The following ADGRB3 variants were observed in gnomAD, a reference collection of about 807,000 sequenced individuals.
ADGRB3 encodes brain-specific angiogenesis inhibitor 3.
A neutral mutation model predicts 193.4 loss-of-function variants in ADGRB3; 37 were observed. That is an observed-to-expected ratio of 0.19 (90% confidence interval 0.15 to 0.25). The LOEUF (loss-of-function observed/expected upper bound fraction) is 0.25, where lower values mean the gene tolerates loss of function less well. Ranked by LOEUF, ADGRB3 falls within the 10% of genes least tolerant of loss-of-function variation. The probability of loss-of-function intolerance (pLI) is 1.00; values close to 1 mark genes in which losing one functional copy is unlikely to be tolerated. For missense variants in ADGRB3, 1,637 were observed against 1,852.9 expected (o/e 0.88, Z 2.14); for synonymous variants, 690 against 644.2 (o/e 1.07, Z -1.08).
At chr6:68,793,368 C>T (rs555271917) in intron 3 of ADGRB3, among the ~76,000 whole-genome samples, 88 of 152,142 alleles carry the variant, frequency 5.8e-4, no homozygotes, top group Non-Finnish European at 9.7e-4. Context: ...CTTTTGTATT[C>T]TTCCTGTGTG....
intron 3 of ADGRB3, among the ~76,000 whole-genome samples, chr6:68,695,997 C>T (rs746930269): frequency 7.9e-5 from 12 of 152,040 alleles, no homozygotes; most frequent in South Asian, 6.2e-4. Context: ...TATTTGGCTG[C>T]GACCCAAAGG....
At chr6:68,978,547 G>A (rs968285721) in intron 10 of ADGRB3, among the ~76,000 whole-genome samples, 24 of 151,416 alleles carry the variant, frequency 1.6e-4, no homozygotes, top group African/African-American at 5.3e-4. Flanking sequence ...TTTCAATAAT[G>A]CTTATGTCAC....
chr6:68,747,719 A>G (rs1176995201), intron 3 of ADGRB3, among the ~76,000 whole-genome samples: 1 of 152,252 alleles, frequency 6.6e-6, no homozygotes, highest in Non-Finnish European at 1.5e-5. Flanking sequence ...TATGACATCT[A>G]GAAAAAGTCA....
At chr6:68,701,711 A>T (rs1765245922) in intron 3 of ADGRB3, among the ~76,000 whole-genome samples, 1 of 152,102 alleles carries the variant, frequency 6.6e-6, no homozygotes, top group Admixed American at 6.6e-5. Context: ...AAACAACAGG[A>T]CCAAAACAGG....
At chr6:68,996,896 T>A (rs1221391451) in intron 11 of ADGRB3, among the ~76,000 whole-genome samples, 2 of 152,208 alleles carry the variant, frequency 1.3e-5, no homozygotes, top group Admixed American at 6.5e-5. Flanking sequence ...GTTTGTTGAA[T>A]GTATTAACAA....
chr6:69,236,657 C>T (rs911800569), intron 19 of ADGRB3, among the ~76,000 whole-genome samples: 6 of 151,962 alleles, frequency 3.9e-5, no homozygotes, highest in African/African-American at 1.2e-4. Context: ...CTTTTATCAG[C>T]ATTTAGGGTT....
intron 3 of ADGRB3, among the ~76,000 whole-genome samples, chr6:68,893,180 G>T (rs141321996): frequency 6.6e-6 from 1 of 152,154 alleles, no homozygotes; most frequent in African/African-American, 2.4e-5. Context: ...AAAGAGAAAG[G>T]ATCTGTTATT....
intron 26 of ADGRB3, among the ~76,000 whole-genome samples, chr6:69,341,100 G>T (rs1283591472): frequency 7.9e-5 from 12 of 151,736 alleles, no homozygotes; most frequent in Non-Finnish European, 5.9e-5. Flanking sequence ...CTTTATAGGA[G>T]AATGATGTAT....
chr6:68,699,961 A>G (rs1765215248), intron 3 of ADGRB3, among the ~76,000 whole-genome samples: 2 of 152,140 alleles, frequency 1.3e-5, no homozygotes, highest in Admixed American at 6.6e-5. Flanking sequence ...TGTGACTCAA[A>G]TCATTCCTTT....
At chr6:68,973,273 T>G (rs1582362072) in intron 8 of ADGRB3, among the ~76,000 whole-genome samples, 1 of 145,526 alleles carries the variant, frequency 6.9e-6, no homozygotes, top group Middle Eastern at 3.6e-3. Context: ...TTTTTGGGCC[T>G]TGGTGCCTTC....
rs201969299 is a variant in ADGRB3, at chr6:69,186,549, GA to G, written c.2481-46731del. On this transcript the variant is annotated intron_variant, in intron 17 of 31. Transcript: ENST00000370598. ...TTAACCCCCCAAGTACCTGAAAAAA[GA>G]AAAAAAAAAGAAGAAGAAAATAAGA... 1.4e-4 allele frequency among the ~76,000 whole-genome samples: 20 copies of G among 138,502 alleles called. No homozygotes were observed. The East Asian group carries it at 1.7e-3, about 12-fold the overall frequency. 90.9% of individuals were successfully genotyped at this position (138,502 alleles called of 152,430 possible).
At chr6:68,859,414 A>T (rs1765085538) in intron 3 of ADGRB3, among the ~76,000 whole-genome samples, 1 of 152,158 alleles carries the variant, frequency 6.6e-6, no homozygotes, top group African/African-American at 2.4e-5. Flanking sequence ...CTTTTCAGCA[A>T]CACCCCACTC....
At chr6:69,297,459 TAA>T (rs1489676515) in intron 20 of ADGRB3, among the ~76,000 whole-genome samples, 1 of 149,778 alleles carries the variant, frequency 6.7e-6, no homozygotes, top group East Asian at 2.0e-4. Context: ...GTTAAGCTAC[TAA>T]AAGTATCACA....
intron 3 of ADGRB3, among the ~76,000 whole-genome samples, chr6:68,746,861 A>G (rs1766095494): frequency 6.6e-6 from 1 of 152,072 alleles, no homozygotes; most frequent in Non-Finnish European, 1.5e-5. Flanking sequence ...TCTTAGTCCC[A>G]TAGTCCATTT....
At chr6:69,199,648 A>T (rs373671938) in intron 17 of ADGRB3, among the ~76,000 whole-genome samples, 1 of 152,156 alleles carries the variant, frequency 6.6e-6, no homozygotes, top group Non-Finnish European at 1.5e-5. Flanking sequence ...GGTTCAGGAC[A>T]AAGTTTTATT....
At chr6:68,664,863 T>A (rs1055323098) in intron 3 of ADGRB3, among the ~76,000 whole-genome samples, 1 of 151,770 alleles carries the variant, frequency 6.6e-6, no homozygotes, top group African/African-American at 2.4e-5. Flanking sequence ...TGGAGGGAAG[T>A]GAGCACAAGG....
intron 3 of ADGRB3, among the ~76,000 whole-genome samples, chr6:68,807,733 G>A (rs1767434551): frequency 1.3e-5 from 2 of 151,822 alleles, no homozygotes; most frequent in Admixed American, 6.6e-5. Flanking sequence ...TTATACTTAA[G>A]TGAGAACTAA....
At position 69,065,796 on chromosome 6, in the gene ADGRB3, CACAT is replaced by C. The variant is rs1320375650; in HGVS notation, c.2436+2762_2436+2765del. Among the ~76,000 whole-genome samples the C allele has an allele frequency of 1.8e-3, 266 of 151,270 alleles. 2 individuals are homozygous for C. Among genetic ancestry groups the C allele is most frequent in the African/African-American group, 6.0e-3 (247 of 41,200 alleles). On this transcript the variant is annotated intron_variant, in intron 16 of 31. Transcript: ENST00000370598. The stretch of plus-strand genomic sequence containing the variant: ...ACACACACACACACACACACACACA[CACAT>C]ATGTACATATATTCAGTTGGCCCTC...
intron 3 of ADGRB3, among the ~76,000 whole-genome samples, chr6:68,882,154 C>G (rs1040764165): frequency 2.6e-5 from 4 of 152,104 alleles, no homozygotes; most frequent in African/African-American, 7.2e-5. Context: ...TTTTCTAAAC[C>G]TGGGACATAA....
Sources: allele counts gnomAD v4.1 joint callset (sites outside exome capture counted in the v4.1 genomes callset), GRCh38; gene constraint gnomAD v4.1.1; transcripts MANE v1.5; gene names NCBI Gene and HGNC (gene_info 2026-07-23, HGNC 2026-07-21).